The following FRMD5 variants were observed in gnomAD, a reference collection of about 807,000 sequenced individuals.
FRMD5 encodes the protein FERM domain containing 5.
FRMD5 carries 20 observed loss-of-function variants against 69.0 expected under a neutral mutation model. That is an observed-to-expected ratio of 0.29 (90% CI 0.20 to 0.42). The LOEUF is 0.42. FRMD5 is among the 10% of genes least tolerant of loss of function. The pLI is 1.00. For missense variants in FRMD5, 595 were observed against 708.6 expected (o/e 0.84, Z 1.82); for synonymous variants, 271 against 260.1 (o/e 1.04, Z -0.40).
At chr15:43,927,771 A>T (rs1028994464) in intron 1 of FRMD5, among the ~76,000 whole-genome samples, 1 of 151,934 alleles carries the variant, frequency 6.6e-6, no homozygotes, top group Non-Finnish European at 1.5e-5. Context: ...CACAAACACT[A>T]CTACAGTATG....
Position 43,945,023 on chromosome 15 carries a change from G to A in FRMD5, c.103-20714C>T, listed in dbSNP as rs553710275. On this transcript the variant is annotated intron_variant, in intron 1 of 13. Coordinates refer to ENST00000417257, the MANE Select transcript of FRMD5 (RefSeq NM_032892.5). Reference sequence around the variant, plus strand: ...CAGGCTGGTCTCCTCCTGAGTTCACGTGATCTGCCCACCTTAGCCTTCCAA... The same window carrying A: ...CAGGCTGGTCTCCTCCTGAGTTCACATGATCTGCCCACCTTAGCCTTCCAA... 9.3e-5 allele frequency among the ~76,000 whole-genome samples: 14 copies of A among 150,980 alleles called. No individual in the cohort carries two copies. The East Asian group carries it at 1.2e-3, about 13-fold the overall frequency.
chr15:44,182,014 C>CTT (rs11291925), intron 1 of FRMD5, among the ~76,000 whole-genome samples: 8 of 142,208 alleles, frequency 5.6e-5, no homozygotes, highest in Non-Finnish European at 9.2e-5. Context: ...TTTACATTTG[C>CTT]TTTTTTTTTT....
At position 43,903,539 on chromosome 15, in the gene FRMD5, G is replaced by A. The variant is rs562194582; in HGVS notation, c.552-1277C>T. Among the ~76,000 whole-genome samples, 6 of 152,330 alleles carry A rather than the reference G, an allele frequency of 3.9e-5. No homozygotes were observed. In the East Asian group the frequency reaches 9.6e-4, roughly 24 times the overall value. On this transcript the variant is annotated intron_variant, in intron 6 of 13. Transcript: ENST00000417257. Reference sequence around the variant, plus strand: ...GGATGTATTTTTACATTATGAAGACGAGGCAGGACCTATGGAAAAAGTACC... The same window carrying A: ...GGATGTATTTTTACATTATGAAGACAAGGCAGGACCTATGGAAAAAGTACC...
In FRMD5 at chr15:44,065,263, T is replaced by C. The variant is rs200107197; in HGVS notation, c.102+129690A>G. 3.9e-5 allele frequency among the ~76,000 whole-genome samples: 6 copies of C among 152,320 alleles called. No individual in the cohort carries two copies. The East Asian group carries it at 1.2e-3, about 29-fold the overall frequency. ...TATCACTATTGGTACTACTGAATAA[T>C]TATAATGGTAAAGAGGTCCTGGTAG... On this transcript the variant is annotated intron_variant, in intron 1 of 13. Coordinates refer to ENST00000417257, the MANE Select transcript of FRMD5 (RefSeq NM_032892.5).
intron 1 of FRMD5, among the ~76,000 whole-genome samples, chr15:44,113,890 A>C (rs1196334488): frequency 6.6e-6 from 1 of 152,204 alleles, no homozygotes; most frequent in Non-Finnish European, 1.5e-5. Flanking sequence ...CTTTATTTGC[A>C]TAACTATGAA....
chr15:43,948,327 T>C (rs2140504491), intron 1 of FRMD5, among the ~76,000 whole-genome samples: 1 of 152,344 alleles, frequency 6.6e-6, no homozygotes, highest in South Asian at 2.1e-4. Context: ...TAGGATATAG[T>C]GGTAGAAGTC....
At chr15:44,105,079 T>A (rs889894772) in intron 1 of FRMD5, among the ~76,000 whole-genome samples, 1 of 90,394 alleles carries the variant, frequency 1.1e-5, no homozygotes, top group Non-Finnish European at 2.5e-5. Context: ...ATCACTCAAA[T>A]TCTTTTCTTT....
intron 1 of FRMD5, among the ~76,000 whole-genome samples, chr15:43,962,497 T>C (rs1252562832): frequency 6.6e-6 from 1 of 152,298 alleles, no homozygotes; most frequent in East Asian, 1.9e-4. Context: ...AATTTATGGA[T>C]TCAATGCCAT....
intron 1 of FRMD5, among the ~76,000 whole-genome samples, chr15:44,121,962 T>C (rs1232882515): frequency 8.0e-6 from 1 of 125,600 alleles, no homozygotes; most frequent in Admixed American, 9.9e-5. Context: ...ACCACTGCAC[T>C]CCAGCCTGGG....
intron 1 of FRMD5, among the ~76,000 whole-genome samples, chr15:43,968,161 A>G (rs1368427789): frequency 6.6e-6 from 1 of 152,196 alleles, no homozygotes; most frequent in African/African-American, 2.4e-5. Context: ...TCCAGCTTCA[A>G]CAATGATAAA....
chr15:43,909,911 G>A lies in FRMD5; in HGVS notation c.398C>T (p.Ala133Val), dbSNP rs1595507749. The A allele has an allele frequency of 6.2e-7, 1 of 1,612,640 alleles. No homozygotes were observed. Among genetic ancestry groups the A allele is most frequent in the South Asian group, 1.1e-5 (1 of 90,992 alleles). The change falls in exon 5 of 14, where the codon GCT becomes GTT. Residue 133 changes from alanine (A) to valine (V), a missense_variant. Around this residue, in one of 5 missense-constraint regions of FRMD5, gnomAD observed 79 missense variants for 139.9 expected, o/e 0.56. Coordinates refer to ENST00000417257, the MANE Select transcript of FRMD5 (RefSeq NM_032892.5). ...HGRLLCKTSD[A>V]ALLAAYILQA... ...AAGGATGTAAGCTGCTAACAAGGCA[G>A]CATCCGATGTTTTACAGAGGAGTCG...
At chr15:43,904,962 G>C (rs949992298) in intron 6 of FRMD5, among the ~76,000 whole-genome samples, 1 of 151,960 alleles carries the variant, frequency 6.6e-6, no homozygotes, top group Admixed American at 6.6e-5. Context: ...TATGGGGGGG[G>C]CCTGAGTCAG....
At chr15:44,024,265 T>C (rs1399704396) in intron 1 of FRMD5, among the ~76,000 whole-genome samples, 1 of 152,114 alleles carries the variant, frequency 6.6e-6, no homozygotes, top group East Asian at 1.9e-4. Context: ...TCACAATTTG[T>C]CCATCCCCCT....
chr15:43,961,391 C>T, intron 1 of FRMD5, among the ~76,000 whole-genome samples: 1 of 152,142 alleles, frequency 6.6e-6, no homozygotes, highest in African/African-American at 2.4e-5. Context: ...ATAACAGGAG[C>T]TGAAATTGAG....
chr15:44,072,303 G>T (rs1180737159), intron 1 of FRMD5, among the ~76,000 whole-genome samples: 1 of 152,120 alleles, frequency 6.6e-6, no homozygotes, highest in Non-Finnish European at 1.5e-5. Context: ...ACGTACAACA[G>T]TCAAAATAAG....
At chr15:44,176,972 A>T (rs1263292928) in intron 1 of FRMD5, among the ~76,000 whole-genome samples, 3 of 10,964 alleles carry the variant, frequency 2.7e-4, no homozygotes, top group Non-Finnish European at 3.5e-3. Flanking sequence ...AAATATGTAA[A>T]AAAAAAAAAA....
At chr15:43,984,261 T>A (rs147772849) in intron 1 of FRMD5, among the ~76,000 whole-genome samples, 1 of 152,176 alleles carries the variant, frequency 6.6e-6, no homozygotes, top group African/African-American at 2.4e-5. Context: ...GAGAATATCT[T>A]ATGCAAATAG....
chr15:43,989,503 C>T, intron 1 of FRMD5: 1 of 877,330 alleles, frequency 1.1e-6, no homozygotes, highest in African/African-American at 1.6e-5. Context: ...CCACCATGGC[C>T]ATCTCCTGCT....
intron 1 of FRMD5, chr15:44,063,519 G>C: frequency 2.2e-6 from 1 of 448,858 alleles, no homozygotes; most frequent in Non-Finnish European, 4.3e-6. Context: ...CCATGGTGAA[G>C]GTGAAGGCCA....
Sources: gnomAD v4.1 joint callset for allele counts (sites outside exome capture counted in the v4.1 genomes callset) on GRCh38, gnomAD v4.1.1 for gene constraint, gnomAD v4.1.1 regional missense constraint, MANE v1.5 for transcripts, NCBI Gene and HGNC (gene_info 2026-07-23, HGNC 2026-07-21) for gene names.